Variants in REV1 observed in about 807,000 individuals in gnomAD.
The protein encoded by REV1 is REV1 DNA directed polymerase.
Under a neutral mutation model 137.4 loss-of-function variants are expected in REV1, and 42 were observed. The ratio of observed to expected loss-of-function variants is 0.31; its 90% CI spans 0.24 to 0.40. REV1 has a LOEUF of 0.40. Ranked by LOEUF, REV1 falls within the 10% of genes least tolerant of loss-of-function variation. REV1 has a pLI of 1.00. For missense variants in REV1, 1,282 were observed against 1,490.1 expected, an observed-to-expected ratio of 0.86 and a Z score of 2.30; for synonymous variants, 524 against 519.2, an observed-to-expected ratio of 1.01 and a Z score of -0.12.
At position 99,400,882 on chromosome 2, in the gene REV1, T is replaced by TAATAA. The variant is rs1675284282; in HGVS notation, c.*354_*358dup. ...CTGGAGGTTTTTCAGCCTTTTAGTATAATAAACAGTAGTTGCTTCCTAGAG... is the reference window on the plus strand; with the variant it reads ...CTGGAGGTTTTTCAGCCTTTTAGTATAATAAAATAAACAGTAGTTGCTTCCTAGAG... On this transcript the variant is annotated 3_prime_UTR_variant, in exon 23 of 23. Coordinates refer to ENST00000258428, the MANE Select transcript of REV1 (RefSeq NM_016316.4). 1 of 159,902 alleles carries TAATAA rather than the reference T, an allele frequency of 6.3e-6. No homozygotes were observed. Among genetic ancestry groups the TAATAA allele is most frequent in the East Asian group, 1.8e-4 (1 of 5,568 alleles). 9.9% of individuals were successfully genotyped at this position (159,902 alleles called of 1,614,324 possible).
intron 2 of REV1, among the ~76,000 whole-genome samples, chr2:99,463,806 T>C (rs1174142472): frequency 6.6e-6 from 1 of 152,104 alleles, no homozygotes; most frequent in Non-Finnish European, 1.5e-5. Context: ...GTATTTTTAA[T>C]AGAGACGGGA....
intron 4 of REV1, among the ~76,000 whole-genome samples, chr2:99,443,325 T>C (rs1681748085): frequency 6.6e-6 from 1 of 152,226 alleles, no homozygotes; most frequent in Non-Finnish European, 1.5e-5. Context: ...ATCCCTCAGT[T>C]ATTTAGAAAA....
chr2:99,454,696 G>C (rs1173949555), intron 3 of REV1, among the ~76,000 whole-genome samples: 3 of 151,496 alleles, frequency 2.0e-5, no homozygotes, highest in African/African-American at 7.3e-5. Context: ...AGTGAGCTAT[G>C]ATCAGTCTAC....
At chr2:99,426,203 C>T (rs1458021839) in intron 9 of REV1, among the ~76,000 whole-genome samples, 2 of 146,368 alleles carry the variant, frequency 1.4e-5, no homozygotes, top group African/African-American at 2.5e-5. Flanking sequence ...AAAAATTAGC[C>T]GGGCATGGTG....
intron 12 of REV1, 46 bp downstream of exon 12, chr2:99,418,782 C>T (rs1298198585): frequency 6.4e-7 from 1 of 1,552,536 alleles, no homozygotes; most frequent in Admixed American, 1.7e-5. Context: ...ATGAAAAGTA[C>T]TTGTAATGCC....
chr2:99,478,158 C>T (rs1181518011), intron 1 of REV1, among the ~76,000 whole-genome samples: 2 of 152,154 alleles, frequency 1.3e-5, no homozygotes, highest in South Asian at 2.1e-4. Flanking sequence ...ATCACTTAAA[C>T]CCGGGAGGCA....
At chr2:99,439,966 G>C (rs1411395737) in intron 5 of REV1, among the ~76,000 whole-genome samples, 1 of 152,100 alleles carries the variant, frequency 6.6e-6, no homozygotes, top group Non-Finnish European at 1.5e-5. Flanking sequence ...TGCACAAATA[G>C]ACAAAAAGTA....
rs1270712329 is a variant in REV1 at position 99,432,862 on chromosome 2, T to C, written c.1438+1470A>G. On this transcript the variant is annotated intron_variant, in intron 8 of 22. Transcript: ENST00000258428. ...CAGTACTGTGTTAATAAGCCATTTATAGTAAGATTGTAACAGAAGAAAAGA... is the reference window on the plus strand; with the variant it reads ...CAGTACTGTGTTAATAAGCCATTTACAGTAAGATTGTAACAGAAGAAAAGA... Among the ~76,000 whole-genome samples the C allele has an allele frequency of 2.6e-5, 4 of 152,170 alleles. No individual in the cohort carries two copies. The East Asian group carries it at 7.7e-4, about 29-fold the overall frequency.
At chr2:99,415,180 C>G (rs997987241) in intron 12 of REV1, among the ~76,000 whole-genome samples, 3 of 152,116 alleles carry the variant, frequency 2.0e-5, no homozygotes, top group African/African-American at 7.2e-5. Flanking sequence ...CTAGTTTTAA[C>G]TAAATACGTC....
At chr2:99,419,033 C>A in intron 11 of REV1, 86 bp from the exon 12 acceptor site, 2 of 1,101,184 alleles carry the variant, frequency 1.8e-6, no homozygotes, top group Non-Finnish European at 2.6e-6. Context: ...GGTTATCCAT[C>A]AAGTTTCTAA....
At chr2:99,412,435 TTTTTA>T (rs1252109462) in intron 13 of REV1, among the ~76,000 whole-genome samples, 1 of 152,136 alleles carries the variant, frequency 6.6e-6, no homozygotes, top group Non-Finnish European at 1.5e-5. Context: ...TTTCTCATCT[TTTTTA>T]TTTTTTCACT....
intron 1 of REV1, among the ~76,000 whole-genome samples, chr2:99,475,890 A>G (rs1271079979): frequency 6.6e-6 from 1 of 152,188 alleles, no homozygotes. Flanking sequence ...AGGCTGAGGC[A>G]GAGAACTGCT....
rs1221038491 is a variant in REV1, at chr2:99,400,556, T to C, written c.*685A>G. 6.6e-6 allele frequency: 1 copy of C among 152,226 alleles called. No homozygotes were observed. Among genetic ancestry groups the C allele is most frequent in the African/African-American group, 2.4e-5 (1 of 41,452 alleles). The allele number at this position is 152,226 out of a possible 1,614,324, so 9.4% of individuals were successfully genotyped here. On this transcript the variant is annotated 3_prime_UTR_variant, in exon 23 of 23. Coordinates refer to ENST00000258428, the MANE Select transcript of REV1 (RefSeq NM_016316.4). ...ATTTTATATACGTTTGAAAAATCTA[T>C]ACCGTTCTTTTTTATCATCAAAGTT...
At chr2:99,456,123 AG>A (rs1683514586) in intron 3 of REV1, among the ~76,000 whole-genome samples, 2 of 152,252 alleles carry the variant, frequency 1.3e-5, no homozygotes, top group Admixed American at 1.3e-4. Flanking sequence ...ATTACAATGC[AG>A]GCCTCAAATG....
chr2:99,485,718 A>G (rs1315211273), intron 1 of REV1, among the ~76,000 whole-genome samples: 2 of 152,256 alleles, frequency 1.3e-5, no homozygotes, highest in Non-Finnish European at 2.9e-5. Context: ...CATTCTCAAC[A>G]GTTTATTTTT....
chr2:99,485,558 A>G (rs1048230316), intron 1 of REV1, among the ~76,000 whole-genome samples: 4 of 152,202 alleles, frequency 2.6e-5, no homozygotes, highest in African/African-American at 9.6e-5. Flanking sequence ...AAGTCCTTTC[A>G]TCACCACAAT....
At chr2:99,434,539 G>A in intron 7 of REV1, 91 bp from the exon 8 acceptor site, 2 of 686,466 alleles carry the variant, frequency 2.9e-6, no homozygotes, top group Non-Finnish European at 4.7e-6. Context: ...TTAAAAACAT[G>A]CCTTTTTTTT....
At chr2:99,487,060 A>G (rs886569185) in intron 1 of REV1, among the ~76,000 whole-genome samples, 6 of 152,366 alleles carry the variant, frequency 3.9e-5, no homozygotes, top group Middle Eastern at 3.4e-3. Context: ...GCAGAAACAC[A>G]AGACAAGACA....
rs758074086 is a variant in REV1, at chr2:99,438,636, T to A, written c.1178A>T (p.Lys393Ile). 1.9e-6 allele frequency: 3 copies of A among 1,613,906 alleles called. No individual in the cohort carries two copies. In the South Asian group the frequency reaches 3.3e-5, roughly 18 times the overall value. ...FPGREKLKKMKTGRSALVVTD... is the reference protein window; with the variant it reads ...FPGREKLKKMITGRSALVVTD... ...TACAACAAGTGCAGACCTGCCTGTT[T>A]TCATTTTTTTTAACTTTTCCCTTCC... Residue 393 changes from lysine to isoleucine, a missense_variant, in exon 6 of 23, where the codon AAA becomes ATA. This residue lies in a region of REV1 where 432 missense variants were observed against 438.0 expected (regional missense o/e 0.99). Transcript: ENST00000258428.
Sources: allele counts gnomAD v4.1 joint callset (sites outside exome capture counted in the v4.1 genomes callset), GRCh38; gene constraint gnomAD v4.1.1; regional missense constraint gnomAD v4.1.1; transcripts MANE v1.5; gene names NCBI Gene and HGNC (gene_info 2026-07-23, HGNC 2026-07-21).